LRPPRC: variants seen among roughly 807,000 people sequenced by gnomAD.
LRPPRC encodes leucine rich pentatricopeptide repeat containing, also known as leucine-rich PPR motif-containing protein, mitochondrial.
Under a neutral mutation model 180.3 loss-of-function variants are expected in LRPPRC, and 120 were observed. That is an observed-to-expected ratio of 0.67 (90% CI 0.57 to 0.77). The LOEUF (loss-of-function observed/expected upper bound fraction) is 0.77, where lower values mean the gene tolerates loss of function less well. Ranked by LOEUF, LRPPRC falls within the 30% of genes least tolerant of loss-of-function variation. The probability of loss-of-function intolerance (pLI) is 0.00; values close to 1 mark genes in which losing one functional copy is unlikely to be tolerated. For missense variants in LRPPRC, 2,012 were observed against 1,657.2 expected, an observed-to-expected ratio of 1.21 and a Z score of -3.72; for synonymous variants, 723 against 600.0, an observed-to-expected ratio of 1.21 and a Z score of -3.00.
At chr2:43,995,172 C>G (rs941665924) in intron 1 of LRPPRC, among the ~76,000 whole-genome samples, 1 of 152,148 alleles carries the variant, frequency 6.6e-6, no homozygotes, top group Non-Finnish European at 1.5e-5. Flanking sequence ...ACCCGGGAAG[C>G]GGAAGTTGCA....
chr2:43,945,320 G>A lies in LRPPRC; in HGVS notation c.2296+12C>T. Reference sequence around the variant, plus strand: ...CTTGCATCACATATTTCCTTTATGTGCTGAGGCTTACCTTGGAGCTTGCCA... The same window carrying A: ...CTTGCATCACATATTTCCTTTATGTACTGAGGCTTACCTTGGAGCTTGCCA... On this transcript the variant is annotated intron_variant, in intron 22 of 37. Transcript: ENST00000260665. The A allele has an allele frequency of 1.3e-6, 2 of 1,586,674 alleles. No homozygotes were observed. The highest frequency in any genetic ancestry group is 1.7e-6 in the Non-Finnish European group (2 of 1,155,244).
chr2:43,953,029 A>G (rs1310994643), intron 14 of LRPPRC, among the ~76,000 whole-genome samples: 1 of 152,170 alleles, frequency 6.6e-6, no homozygotes, highest in East Asian at 1.9e-4. Context: ...TAGTTTCTTA[A>G]GCTACTACCA....
rs1405899908 is a variant in LRPPRC, at chr2:43,963,675, T to A, written c.1401A>T (p.Glu467Asp). 1 of 1,604,186 alleles carries A rather than the reference T, an allele frequency of 6.2e-7. No individual in the cohort carries two copies. The highest frequency in any genetic ancestry group is 8.5e-7 in the Non-Finnish European group (1 of 1,171,172). The change falls in exon 12 of 38, where the codon GAA (glutamate) becomes GAT (aspartate). Residue 467 changes from glutamate (E) to aspartate (D), a missense_variant. Transcript: ENST00000260665. ...TTTCCTGATCAGGATGTACTCCCAATTCTTGCATTCCTTTGAGGATTTCAA... is the reference window on the plus strand; with the variant it reads ...TTTCCTGATCAGGATGTACTCCCAAATCTTGCATTCCTTTGAGGATTTCAA... Reference protein sequence around the residue: ...GIIEILKGMQELGVHPDQETY... With the variant: ...GIIEILKGMQDLGVHPDQETY...
At chr2:43,936,968 C>G (rs1049562458) in intron 23 of LRPPRC, among the ~76,000 whole-genome samples, 7 of 152,130 alleles carry the variant, frequency 4.6e-5, no homozygotes, top group African/African-American at 1.4e-4. Context: ...CGAAAAACTA[C>G]TAAAACATTT....
At chr2:43,994,605 C>CTCTGCAGTG (rs750167522) in intron 1 of LRPPRC, among the ~76,000 whole-genome samples, 1,668 of 152,188 alleles carry the variant, frequency 0.011, 21 homozygotes, top group Middle Eastern at 0.027. Flanking sequence ...AGGCTGCAGT[C>CTCTGCAGTG]TGGGCCCAGC....
At chr2:43,964,510 C>T (rs1391724534) in intron 11 of LRPPRC, among the ~76,000 whole-genome samples, 1 of 152,022 alleles carries the variant, frequency 6.6e-6, no homozygotes, top group Non-Finnish European at 1.5e-5. Context: ...TAAAACTCCC[C>T]CTAAAAGTCC....
chr2:43,970,220 G>A (rs1235321897), intron 11 of LRPPRC, among the ~76,000 whole-genome samples: 1 of 152,102 alleles, frequency 6.6e-6, no homozygotes, highest in Admixed American at 6.6e-5. Context: ...TTATCAGAAG[G>A]AGGAGTATGT....
At chr2:43,895,108 G>A (rs542890629) in intron 35 of LRPPRC, among the ~76,000 whole-genome samples, 1 of 152,106 alleles carries the variant, frequency 6.6e-6, no homozygotes, top group Non-Finnish European at 1.5e-5. Context: ...ATGCAGACTC[G>A]GCTATGGCTT....
At position 43,987,491 on chromosome 2, in the gene LRPPRC, C is replaced by CAAAAAAAA. The variant is rs34151335; in HGVS notation, c.150-5065_150-5058dup. ...GGCCGGGCGACAGAGCCAGACTCCTCAAAAAAAAAAAAAAAAAAAAGGTTG... is the reference window on the plus strand; with the variant it reads ...GGCCGGGCGACAGAGCCAGACTCCTCAAAAAAAAAAAAAAAAAAAAAAAAAAAAGGTTG... On this transcript the variant is annotated intron_variant, in intron 1 of 37. Coordinates refer to ENST00000260665, the MANE Select transcript of LRPPRC (RefSeq NM_133259.4). Among the ~76,000 whole-genome samples the CAAAAAAAA allele has an allele frequency of 5.9e-4, 45 of 75,894 alleles. 1 individual carries two copies. The highest frequency in any genetic ancestry group is 2.4e-3 in the African/African-American group (45 of 18,568). The allele number at this position is 75,894 out of a possible 152,430, so 49.8% of individuals were successfully genotyped here.
chr2:43,916,330 A>G (rs1213222596), intron 29 of LRPPRC, among the ~76,000 whole-genome samples: 1 of 152,208 alleles, frequency 6.6e-6, no homozygotes, highest in Non-Finnish European at 1.5e-5. Context: ...AAGTCTAAGT[A>G]AAAACATAAA....
chr2:43,970,575 A>G (rs182867229), intron 11 of LRPPRC, among the ~76,000 whole-genome samples: 38 of 152,366 alleles, frequency 2.5e-4, no homozygotes, highest in Admixed American at 4.6e-4. Flanking sequence ...GTCTAAACTA[A>G]GACTAAATAA....
chr2:43,957,882 T>G (rs1283285423), intron 13 of LRPPRC, among the ~76,000 whole-genome samples: 1 of 152,218 alleles, frequency 6.6e-6, no homozygotes, highest in Non-Finnish European at 1.5e-5. Flanking sequence ...GGTGTTGGGT[T>G]CTGTTGAACC....
chr2:43,986,818 C>G (rs1327722412), intron 1 of LRPPRC, among the ~76,000 whole-genome samples: 5 of 152,204 alleles, frequency 3.3e-5, no homozygotes, highest in Non-Finnish European at 7.3e-5. Context: ...TAAACCTAGA[C>G]AGTGAGAGTG....
chr2:43,986,692 C>T (rs1446037566), intron 1 of LRPPRC, among the ~76,000 whole-genome samples: 1 of 152,050 alleles, frequency 6.6e-6, no homozygotes, highest in Admixed American at 6.6e-5. Context: ...GGTTAGCACT[C>T]AGACGGTCTC....
intron 15 of LRPPRC, 93 bp downstream of exon 15, chr2:43,950,480 T>C (rs894249640): frequency 1.7e-6 from 2 of 1,149,232 alleles, no homozygotes; most frequent in East Asian, 2.3e-5. Flanking sequence ...GAAAACCAAA[T>C]ATAGGTTTCA....
At chr2:43,932,547 G>A (rs548922744) in intron 25 of LRPPRC, among the ~76,000 whole-genome samples, 1 of 152,308 alleles carries the variant, frequency 6.6e-6, no homozygotes, top group East Asian at 1.9e-4. Flanking sequence ...AAAGCTCTAA[G>A]TAATTAAGAG....
chr2:43,978,187 T>G (rs1674142955), intron 3 of LRPPRC, among the ~76,000 whole-genome samples: 1 of 152,178 alleles, frequency 6.6e-6, no homozygotes, highest in African/African-American at 2.4e-5. Flanking sequence ...TGTCAACAGC[T>G]CATTCTGTAA....
At chr2:43,946,048 TA>T in intron 21 of LRPPRC, 64 bp downstream of exon 21, 1 of 1,492,372 alleles carries the variant, frequency 6.7e-7, no homozygotes, top group Non-Finnish European at 9.3e-7. Context: ...TCCATCTAGA[TA>T]ATCTATCAAG....
intron 30 of LRPPRC, among the ~76,000 whole-genome samples, chr2:43,911,576 G>T (rs764725424): frequency 7.0e-6 from 1 of 142,378 alleles, no homozygotes; most frequent in African/African-American, 2.7e-5. Context: ...ACCCAGGCTG[G>T]AGTGCAGTTG....
Sources: gnomAD v4.1 joint callset for allele counts (sites outside exome capture counted in the v4.1 genomes callset) on GRCh38, gnomAD v4.1.1 for gene constraint, MANE v1.5 for transcripts, NCBI Gene and HGNC (gene_info 2026-07-23, HGNC 2026-07-21) for gene names.